The following TFB1M variants were observed in gnomAD, a reference collection of about 807,000 sequenced individuals.
TFB1M encodes the protein transcription factor B1, mitochondrial, also known as dimethyladenosine transferase 1, mitochondrial.
Under a neutral mutation model 31.1 loss-of-function variants are expected in TFB1M, and 27 were observed. The ratio of observed to expected loss-of-function variants is 0.87; its 90% confidence interval spans 0.64 to 1.20. The LOEUF (loss-of-function observed/expected upper bound fraction) is 1.20. Ranked by LOEUF, TFB1M falls within the 50% of genes most tolerant of loss-of-function variation. TFB1M has a pLI of 0.00. For missense variants in TFB1M, 394 were observed against 418.7 expected (o/e 0.94, Z 0.51); for synonymous variants, 166 against 151.8 (o/e 1.09, Z -0.69).
intron 2 of TFB1M, among the ~76,000 whole-genome samples, chr6:155,304,140 G>C (rs897410107): frequency 9.9e-5 from 15 of 152,014 alleles, no homozygotes; most frequent in African/African-American, 3.1e-4. Flanking sequence ...AAATTAGCTG[G>C]GCATGGTAGC....
intron 6 of TFB1M, among the ~76,000 whole-genome samples, chr6:155,258,861 G>GTGAC (rs931077191): frequency 1.3e-5 from 2 of 151,858 alleles, no homozygotes; most frequent in Non-Finnish European, 2.9e-5. Flanking sequence ...TCAGGGTGAG[G>GTGAC]TGACAGATCT....
At chr6:155,289,145 T>C (rs958448590) in intron 4 of TFB1M, among the ~76,000 whole-genome samples, 5 of 151,862 alleles carry the variant, frequency 3.3e-5, no homozygotes, top group African/African-American at 1.2e-4. Flanking sequence ...TACACAGCCA[T>C]ATATCAGGGA....
chr6:155,263,965 C>CAGGGA (rs1784505623), intron 5 of TFB1M: 3 of 151,024 alleles, frequency 2.0e-5, no homozygotes, highest in Admixed American at 2.0e-4. Flanking sequence ...AAAAAGACCA[C>CAGGGA]AGGGAATAAT....
chr6:155,253,102 T>A (rs1783771152), downstream of TFB1M: 3 of 1,461,616 alleles, frequency 2.1e-6, no homozygotes, highest in Non-Finnish European at 2.9e-6. Context: ...TTAGTAGACT[T>A]AACTGTGGAA....
At chr6:155,314,092 G>A in intron 1 of TFB1M, 1 of 1,451,498 alleles carries the variant, frequency 6.9e-7, no homozygotes, top group Non-Finnish European at 9.1e-7. Context: ...CCCCGAACGC[G>A]GAGTTTTGTG....
At chr6:155,275,741 C>A in intron 5 of TFB1M, 1 of 1,613,758 alleles carries the variant, frequency 6.2e-7, no homozygotes, top group South Asian at 1.1e-5. Context: ...AGGACTCCAG[C>A]TCCTTGCTTT....
downstream of TFB1M, among the ~76,000 whole-genome samples, chr6:155,251,553 C>G: frequency 6.6e-6 from 1 of 152,174 alleles, no homozygotes; most frequent in African/African-American, 2.4e-5. Flanking sequence ...TCCTGGAGTG[C>G]TGGGATTACA....
intron 4 of TFB1M, 60 bp downstream of exon 4, chr6:155,296,893 T>C: frequency 6.9e-7 from 1 of 1,451,014 alleles, no homozygotes; most frequent in Admixed American, 1.7e-5. Context: ...AATGCAGTAT[T>C]ATTATTTTGC....
the TFB1M span, among the ~76,000 whole-genome samples, chr6:155,249,289 G>C: frequency 0.013 from 1,929 of 152,258 alleles, 37 homozygotes; most frequent in African/African-American, 0.044. Context: ...GCAAACAATT[G>C]TTCTGTCAGT....
rs746797500 is a variant in TFB1M at position 155,314,283 on chromosome 6, C to G, written c.133+13G>C. Reference sequence around the variant, plus strand: ...CTGGGGAGACATCCGGGGAGCACTGCTAAGCCATCCACCTGTCAGCCTCAA... The same window carrying G: ...CTGGGGAGACATCCGGGGAGCACTGGTAAGCCATCCACCTGTCAGCCTCAA... On this transcript the variant is annotated intron_variant, in intron 1 of 6. Transcript: ENST00000367166. 6 of 1,613,528 alleles carry G rather than the reference C, an allele frequency of 3.7e-6. No homozygotes were observed. The highest frequency in any genetic ancestry group is 5.1e-6 in the Non-Finnish European group (6 of 1,179,714).
At chr6:155,235,995 T>A in the TFB1M span, among the ~76,000 whole-genome samples, 7 of 152,174 alleles carry the variant, frequency 4.6e-5, no homozygotes, top group African/African-American at 1.7e-4. Flanking sequence ...TCAAGCTTAA[T>A]ATAGATTCTA....
At chr6:155,241,259 A>G in the TFB1M span, among the ~76,000 whole-genome samples, 1 of 152,214 alleles carries the variant, frequency 6.6e-6, no homozygotes, top group South Asian at 2.1e-4. Context: ...TATCCATCTC[A>G]TAAGCCCCCA....
At chr6:155,273,795 A>G (rs1785050131) in intron 5 of TFB1M, among the ~76,000 whole-genome samples, 1 of 152,312 alleles carries the variant, frequency 6.6e-6, no homozygotes, top group African/African-American at 2.4e-5. Context: ...GTGATATCCT[A>G]TCTGAACATT....
intron 5 of TFB1M, among the ~76,000 whole-genome samples, chr6:155,283,204 G>T (rs1383216100): frequency 1.3e-5 from 2 of 152,110 alleles, no homozygotes; most frequent in East Asian, 3.9e-4. Context: ...GCCAAAGCGG[G>T]TAGGTCACTG....
At chr6:155,284,249 C>G (rs1224893753) in intron 5 of TFB1M, among the ~76,000 whole-genome samples, 2 of 152,196 alleles carry the variant, frequency 1.3e-5, no homozygotes, top group Non-Finnish European at 2.9e-5. Flanking sequence ...GGTCTCCATT[C>G]TAAATCTAGA....
rs188220445 is a variant in TFB1M, at chr6:155,285,888, T to G, written c.547-611A>C. ...TTCATAAATGCAATGCAATTTCAATTAAAAGTCCAACAAGATTTTAAAAAT... is the reference window on the plus strand; with the variant it reads ...TTCATAAATGCAATGCAATTTCAATGAAAAGTCCAACAAGATTTTAAAAAT... On this transcript the variant is annotated intron_variant, in intron 4 of 6. Transcript: ENST00000367166. Among the ~76,000 whole-genome samples the G allele has an allele frequency of 7.2e-4, 109 of 152,276 alleles. No individual in the cohort carries two copies. In the East Asian group the frequency reaches 0.02, roughly 28 times the overall value.
chr6:155,303,942 G>T (rs1414820403), intron 2 of TFB1M, among the ~76,000 whole-genome samples: 2 of 152,140 alleles, frequency 1.3e-5, no homozygotes, highest in Non-Finnish European at 2.9e-5. Context: ...CTGAGATTTG[G>T]TCACTAGACT....
At chr6:155,245,549 G>GA in the TFB1M span, 6 of 1,205,046 alleles carry the variant, frequency 5.0e-6, no homozygotes, top group Middle Eastern at 1.9e-4. Context: ...GAAGCCATGG[G>GA]GCCGTCAAAT....
chr6:155,284,183 T>C (rs1776518610), intron 5 of TFB1M, among the ~76,000 whole-genome samples: 1 of 152,240 alleles, frequency 6.6e-6, no homozygotes, highest in Non-Finnish European at 1.5e-5. Context: ...GCAAAGAGCA[T>C]GGAGATCACT....
Sources: allele counts gnomAD v4.1 joint callset (sites outside exome capture counted in the v4.1 genomes callset), GRCh38; gene constraint gnomAD v4.1.1; transcripts MANE v1.5; gene names NCBI Gene and HGNC (gene_info 2026-07-23, HGNC 2026-07-21).